The following NKAIN3 variants were observed in gnomAD, a reference collection of about 807,000 sequenced individuals.
NKAIN3 encodes the protein sodium/potassium transporting ATPase interacting 3.
A neutral mutation model predicts 30.2 loss-of-function variants in NKAIN3; 25 were observed. The observed-to-expected ratio is 0.83, with a 90% CI of 0.60 to 1.16. The LOEUF (loss-of-function observed/expected upper bound fraction) is 1.16, where lower values mean the gene tolerates loss of function less well. Among genes scored for constraint, NKAIN3 ranks in the 50% most tolerant of loss-of-function variants. The pLI is 0.00. For synonymous variants in NKAIN3, 91 were observed against 89.6 expected, an observed-to-expected ratio of 1.02 and a Z score of -0.09; for missense variants, 225 against 254.1, an observed-to-expected ratio of 0.89 and a Z score of 0.78.
chr8:62,896,560 G>C (rs746291910), intron 4 of NKAIN3, among the ~76,000 whole-genome samples: 1 of 152,098 alleles, frequency 6.6e-6, no homozygotes, highest in African/African-American at 2.4e-5. Flanking sequence ...TTTTACCCAA[G>C]GGTAAAATCA....
intron 1 of NKAIN3, among the ~76,000 whole-genome samples, chr8:62,330,226 G>C (rs892422876): frequency 6.6e-6 from 1 of 151,816 alleles, no homozygotes; most frequent in Non-Finnish European, 1.5e-5. Context: ...TAATGAGGAT[G>C]GGGGGGTGAG....
intron 4 of NKAIN3, among the ~76,000 whole-genome samples, chr8:62,832,381 G>A (rs1341844842): frequency 2.0e-5 from 3 of 150,330 alleles, no homozygotes; most frequent in Admixed American, 2.0e-4. Context: ...CTTCACAATA[G>A]GATCAAAACC....
chr8:62,457,923 T>C (rs535944439), intron 1 of NKAIN3, among the ~76,000 whole-genome samples: 1 of 152,328 alleles, frequency 6.6e-6, no homozygotes, highest in African/African-American at 2.4e-5. Context: ...CCAAGATTAC[T>C]TAAGCCACTA....
chr8:62,284,000 G>A (rs1813288800), intron 1 of NKAIN3, among the ~76,000 whole-genome samples: 1 of 152,072 alleles, frequency 6.6e-6, no homozygotes, highest in Non-Finnish European at 1.5e-5. Flanking sequence ...TCTTGTGCAT[G>A]GAAAAACTGA....
intron 4 of NKAIN3, among the ~76,000 whole-genome samples, chr8:62,846,442 G>A (rs536914581): frequency 1.6e-4 from 25 of 152,186 alleles, no homozygotes; most frequent in Admixed American, 1.3e-3. Flanking sequence ...ATTAGGCACA[G>A]CATCTATTAG....
At chr8:62,328,777 T>A (rs1366345711) in intron 1 of NKAIN3, among the ~76,000 whole-genome samples, 1 of 152,126 alleles carries the variant, frequency 6.6e-6, no homozygotes, top group African/African-American at 2.4e-5. Flanking sequence ...CAAATATTTG[T>A]TTAGTACCTT....
intron 3 of NKAIN3, among the ~76,000 whole-genome samples, chr8:62,741,392 A>T (rs1586150487): frequency 6.7e-6 from 1 of 150,004 alleles, no homozygotes; most frequent in African/African-American, 2.5e-5. Context: ...GGAAGGAAGG[A>T]AGGAAGGAAG....
At chr8:62,819,639 G>A (rs1459848942) in intron 4 of NKAIN3, among the ~76,000 whole-genome samples, 1 of 151,846 alleles carries the variant, frequency 6.6e-6, no homozygotes, top group African/African-American at 2.4e-5. Context: ...AAATTTTAGT[G>A]AAGTTATTTG....
rs1163835545 is a variant in NKAIN3, at chr8:62,469,017, GC to G, written c.55-110520del. Among the ~76,000 whole-genome samples the G allele has an allele frequency of 2.0e-5, 3 of 152,126 alleles. No homozygotes were observed. In the East Asian group the frequency reaches 5.8e-4, roughly 29 times the overall value. ...TTCTGTTACTTTTCAATCCCTGAAT[GC>G]CTAGGACTTCTCCACCCTCCTCTGG... On this transcript the variant is annotated intron_variant, in intron 1 of 6. Coordinates refer to ENST00000623646, the MANE Select transcript of NKAIN3 (RefSeq NM_001304533.3).
intron 4 of NKAIN3, among the ~76,000 whole-genome samples, chr8:62,811,662 G>A (rs1287336378): frequency 6.6e-6 from 1 of 151,880 alleles, no homozygotes; most frequent in Non-Finnish European, 1.5e-5. Context: ...TCTGCCATCG[G>A]TGTATCCTCT....
chr8:62,777,758 G>A lies in NKAIN3; in HGVS notation c.471+30629G>A, dbSNP rs184267536. 6.4e-4 allele frequency among the ~76,000 whole-genome samples: 98 copies of A among 152,232 alleles called. 1 individual carries two copies. In the South Asian group the frequency reaches 0.019, roughly 29 times the overall value. ...CTTGATAGCCTTGATACTTGTGGAC[G>A]TTCATCAGTGTCTGGGCATAGAAAA... is the stretch of plus-strand genomic sequence containing the variant. On this transcript the variant is annotated intron_variant, in intron 4 of 6. Transcript: ENST00000623646.
At chr8:62,270,297 G>T (rs1812740912) in intron 1 of NKAIN3, among the ~76,000 whole-genome samples, 1 of 152,030 alleles carries the variant, frequency 6.6e-6, no homozygotes, top group South Asian at 2.1e-4. Flanking sequence ...GCCCAGGCTG[G>T]TCATGAACTA....
intron 1 of NKAIN3, among the ~76,000 whole-genome samples, chr8:62,283,280 ATT>A (rs11337110): frequency 1.3e-4 from 20 of 150,426 alleles, no homozygotes; most frequent in Admixed American, 9.3e-4. Flanking sequence ...TTACGTGGCT[ATT>A]TTTTTTTTTG....
rs943801338 is a variant in NKAIN3 at position 62,309,414 on chromosome 8, A to G, written c.54+60287A>G. 1.5e-4 allele frequency among the ~76,000 whole-genome samples: 22 copies of G among 150,808 alleles called. 2 individuals carry two copies. Among genetic ancestry groups the G allele is most frequent in the African/African-American group, 5.5e-4 (22 of 40,150 alleles). Reference sequence around the variant, plus strand: ...AATGCACATACAAGTCACATTCAGAAAGACTAGAAAGCAAGGAGCTACAGA... The same window carrying G: ...AATGCACATACAAGTCACATTCAGAGAGACTAGAAAGCAAGGAGCTACAGA... On this transcript the variant is annotated intron_variant, in intron 1 of 6. Coordinates refer to ENST00000623646, the MANE Select transcript of NKAIN3 (RefSeq NM_001304533.3).
chr8:62,892,714 AT>A (rs2130826849), intron 4 of NKAIN3, among the ~76,000 whole-genome samples: 1 of 152,262 alleles, frequency 6.6e-6, no homozygotes, highest in South Asian at 2.1e-4. Context: ...TAGTTGTTTA[AT>A]TTGGTAACAA....
intron 3 of NKAIN3, among the ~76,000 whole-genome samples, chr8:62,701,403 A>G (rs746390476): frequency 2.3e-4 from 35 of 152,102 alleles, no homozygotes; most frequent in Non-Finnish European, 4.9e-4. Flanking sequence ...AAAAATCTCA[A>G]ATTTAGTCAT....
At chr8:62,786,585 G>A (rs956420574) in intron 4 of NKAIN3, among the ~76,000 whole-genome samples, 9 of 152,032 alleles carry the variant, frequency 5.9e-5, no homozygotes, top group African/African-American at 2.2e-4. Context: ...GTAACAGAAG[G>A]GCACAAAAAA....
intron 1 of NKAIN3, among the ~76,000 whole-genome samples, chr8:62,402,891 G>T (rs1259018756): frequency 6.6e-6 from 1 of 152,188 alleles, no homozygotes; most frequent in Non-Finnish European, 1.5e-5. Context: ...AGTTTGGAGG[G>T]CTCAGAAGAA....
chr8:62,495,097 C>T (rs1807194386), intron 1 of NKAIN3, among the ~76,000 whole-genome samples: 1 of 152,054 alleles, frequency 6.6e-6, no homozygotes, highest in South Asian at 2.1e-4. Flanking sequence ...TTTCCTGTCT[C>T]TTACTATCCA....
Sources: gnomAD v4.1 joint callset for allele counts (sites outside exome capture counted in the v4.1 genomes callset) on GRCh38, gnomAD v4.1.1 for gene constraint, MANE v1.5 for transcripts, NCBI Gene and HGNC (gene_info 2026-07-23, HGNC 2026-07-21) for gene names.